Variants in RAD54B observed in about 807,000 individuals in gnomAD.
RAD54B encodes the protein RAD54 homolog B.
Under a neutral mutation model 95.8 loss-of-function variants are expected in RAD54B, and 78 were observed. That is an observed-to-expected ratio of 0.81 (90% CI 0.68 to 0.98). The LOEUF (loss-of-function observed/expected upper bound fraction) is 0.98. RAD54B is among the 50% of genes least tolerant of loss of function. The pLI is 0.00. For synonymous variants in RAD54B, 328 were observed against 354.9 expected (o/e 0.92, Z 0.85); for missense variants, 957 against 1,056.6 (o/e 0.91, Z 1.31).
Position 94,410,356 on chromosome 8 carries a change from T to C in RAD54B, c.499+765A>G, listed in dbSNP as rs150214927. On this transcript the variant is annotated intron_variant, in intron 4 of 14. Transcript: ENST00000336148. ...CTTCTCATTGAAACAACTGTATTATTGCTTCCTAATCATCAATTACTTTGC... is the reference window on the plus strand; with the variant it reads ...CTTCTCATTGAAACAACTGTATTATCGCTTCCTAATCATCAATTACTTTGC... Among the ~76,000 whole-genome samples the C allele has an allele frequency of 2.7e-3, 417 of 152,332 alleles. 1 individual carries two copies. Among genetic ancestry groups the C allele is most frequent in the African/African-American group, 8.8e-3 (364 of 41,582 alleles).
chr8:94,406,837 G>A (rs1414094892), intron 5 of RAD54B, among the ~76,000 whole-genome samples: 1 of 151,868 alleles, frequency 6.6e-6, no homozygotes, highest in Non-Finnish European at 1.5e-5. Context: ...TTATCTTTAG[G>A]CCCAACCCAT....
chr8:94,380,749 G>A (rs1356139721), intron 11 of RAD54B, among the ~76,000 whole-genome samples: 5 of 152,204 alleles, frequency 3.3e-5, no homozygotes, highest in Admixed American at 3.3e-4. Context: ...CTGCTTAGGA[G>A]TATACATAAG....
intron 2 of RAD54B, among the ~76,000 whole-genome samples, chr8:94,465,200 T>C (rs773874805): frequency 6.6e-6 from 1 of 152,182 alleles, no homozygotes; most frequent in Non-Finnish European, 1.5e-5. Context: ...CTCCTTACAG[T>C]GTGCCAGAAT....
At chr8:94,431,505 G>A (rs1195375725) in intron 3 of RAD54B, 1 of 981,282 alleles carries the variant, frequency 1.0e-6, no homozygotes, top group African/African-American at 1.8e-5. Flanking sequence ...TAGCGGGATG[G>A]AAATTACACA....
chr8:94,453,197 C>T (rs548909903), intron 3 of RAD54B, among the ~76,000 whole-genome samples: 1 of 152,280 alleles, frequency 6.6e-6, no homozygotes, highest in Non-Finnish European at 1.5e-5. Context: ...TGGTTAAGTA[C>T]ATTTGGCACA....
At chr8:94,380,015 A>G (rs1810693566) in intron 12 of RAD54B, 130 bp downstream of exon 12, 1 of 995,784 alleles carries the variant, frequency 1.0e-6, no homozygotes. Context: ...AGCACTTAGG[A>G]GAGTGCCTCA....
At chr8:94,449,382 C>T (rs1263339725) in intron 3 of RAD54B, among the ~76,000 whole-genome samples, 2 of 151,992 alleles carry the variant, frequency 1.3e-5, no homozygotes, top group South Asian at 2.1e-4. Context: ...CAGAGACGGA[C>T]GGACCACATG....
chr8:94,461,317 C>A (rs375925715), intron 2 of RAD54B, among the ~76,000 whole-genome samples: 4 of 151,482 alleles, frequency 2.6e-5, no homozygotes, highest in African/African-American at 9.7e-5. Context: ...AGATTACAGG[C>A]ATGCACCACC....
chr8:94,433,842 A>G (rs1812187241), intron 3 of RAD54B, among the ~76,000 whole-genome samples: 2 of 151,980 alleles, frequency 1.3e-5, no homozygotes. Flanking sequence ...AATTAAAAGA[A>G]TACATTCTAC....
At chr8:94,448,792 G>C (rs146133853) in intron 3 of RAD54B, among the ~76,000 whole-genome samples, 430 of 151,872 alleles carry the variant, frequency 2.8e-3, no homozygotes, top group African/African-American at 1.0e-2. Context: ...AGAGGAAATC[G>C]GGAGATACGC....
chr8:94,433,532 C>G (rs1230089752), intron 3 of RAD54B, among the ~76,000 whole-genome samples: 1 of 151,944 alleles, frequency 6.6e-6, no homozygotes, highest in Non-Finnish European at 1.5e-5. Flanking sequence ...CACATAATTT[C>G]CACCAAATAT....
At chr8:94,437,167 C>T (rs1284323317) in intron 3 of RAD54B, among the ~76,000 whole-genome samples, 1 of 152,118 alleles carries the variant, frequency 6.6e-6, no homozygotes, top group Non-Finnish European at 1.5e-5. Context: ...ACACAAAGGT[C>T]TAGAGATAAG....
intron 3 of RAD54B, among the ~76,000 whole-genome samples, chr8:94,454,679 C>T (rs1282535103): frequency 6.6e-6 from 1 of 152,116 alleles, no homozygotes; most frequent in Non-Finnish European, 1.5e-5. Context: ...CTTCATTTGG[C>T]AAGAGTATAC....
chr8:94,382,374 A>C (rs1810765669), intron 11 of RAD54B, among the ~76,000 whole-genome samples: 1 of 152,218 alleles, frequency 6.6e-6, no homozygotes, highest in Non-Finnish European at 1.5e-5. Context: ...CAACATGTAA[A>C]GCAATGTCTT....
rs755673989 is a variant in RAD54B at position 94,380,309 on chromosome 8, G to C, written c.2083C>G (p.Pro695Ala). Residue 695 changes from proline (P) to alanine (A), a missense_variant, in exon 12 of 15, where the codon CCA becomes GCA. Coordinates refer to ENST00000336148, the MANE Select transcript of RAD54B (RefSeq NM_012415.3). ...YAYTRLDGQTPISQRQQIVDG... is the reference protein window; with the variant it reads ...YAYTRLDGQTAISQRQQIVDG... ...ACAATCTGCTGCCTTTGAGAGATTGGTGTTTGTCCATCAAGTCTTGTATAA... is the reference window on the plus strand; with the variant it reads ...ACAATCTGCTGCCTTTGAGAGATTGCTGTTTGTCCATCAAGTCTTGTATAA... 1.2e-6 allele frequency: 2 copies of C among 1,614,068 alleles called. No homozygotes were observed. The highest frequency in any genetic ancestry group is 2.2e-5 in the South Asian group (2 of 91,080).
intron 3 of RAD54B, chr8:94,430,780 G>A (rs1812072749): frequency 2.0e-6 from 2 of 985,016 alleles, no homozygotes; most frequent in Non-Finnish European, 2.4e-6. Context: ...CAGATTTCTG[G>A]TTTATCCCCG....
intron 3 of RAD54B, among the ~76,000 whole-genome samples, chr8:94,418,177 A>C (rs1340276454): frequency 6.6e-6 from 1 of 152,034 alleles, no homozygotes; most frequent in Admixed American, 6.6e-5. Flanking sequence ...TATTGTGGAT[A>C]TATTTCTACA....
chr8:94,411,715 TAC>T (rs1269715169), intron 3 of RAD54B, among the ~76,000 whole-genome samples: 2 of 151,860 alleles, frequency 1.3e-5, no homozygotes, highest in Non-Finnish European at 2.9e-5. Context: ...AGGCAAAGAT[TAC>T]AGAGTTCTCT....
intron 3 of RAD54B, among the ~76,000 whole-genome samples, chr8:94,442,339 C>T (rs1294354334): frequency 1.4e-5 from 2 of 138,902 alleles, no homozygotes; most frequent in African/African-American, 5.4e-5. Flanking sequence ...TTTGGGAGGC[C>T]AAGGTGGGCG....
Sources: allele counts gnomAD v4.1 joint callset (sites outside exome capture counted in the v4.1 genomes callset), GRCh38; gene constraint gnomAD v4.1.1; transcripts MANE v1.5; gene names NCBI Gene and HGNC (gene_info 2026-07-23, HGNC 2026-07-21).